Variants in FRYL observed in about 807,000 individuals in gnomAD.
The protein encoded by FRYL is protein furry homolog-like.
A neutral mutation model predicts 351.2 loss-of-function variants in FRYL; 150 were observed. The observed-to-expected ratio is 0.43, with a 90% CI of 0.37 to 0.49. The LOEUF (loss-of-function observed/expected upper bound fraction) is 0.49. Ranked by LOEUF, FRYL falls within the 20% of genes least tolerant of loss-of-function variation. The probability of loss-of-function intolerance (pLI) is 0.00; values close to 1 mark genes in which losing one functional copy is unlikely to be tolerated. For missense variants in FRYL, 3,036 were observed against 3,619.3 expected (o/e 0.84, Z 4.13); for synonymous variants, 1,153 against 1,257.1 (o/e 0.92, Z 1.75).
chr4:48,685,962 C>G (rs1765115389), intron 2 of FRYL, among the ~76,000 whole-genome samples: 1 of 152,128 alleles, frequency 6.6e-6, no homozygotes, highest in Admixed American at 6.5e-5. Context: ...ACCATGTTGG[C>G]TAGGCTGGTA....
intron 1 of FRYL, among the ~76,000 whole-genome samples, chr4:48,711,135 G>A (rs1026304791): frequency 2.6e-5 from 4 of 152,220 alleles, no homozygotes; most frequent in African/African-American, 7.2e-5. Context: ...CAGCGGGAGC[G>A]ACACAGAAGA....
chr4:48,618,552 C>T (rs1289443331), intron 7 of FRYL: 3 of 145,004 alleles, frequency 2.1e-5, no homozygotes, highest in African/African-American at 5.1e-5. Context: ...CATGGATCAT[C>T]CTTGAATGAT....
intron 1 of FRYL, among the ~76,000 whole-genome samples, chr4:48,737,189 G>A (rs1340911185): frequency 2.7e-5 from 4 of 150,358 alleles, no homozygotes; most frequent in Non-Finnish European, 4.4e-5. Flanking sequence ...CCCTGGAGGC[G>A]GAGATTGCAG....
chr4:48,611,513 C>A (rs1015793191), intron 7 of FRYL, among the ~76,000 whole-genome samples: 2 of 151,726 alleles, frequency 1.3e-5, no homozygotes, highest in African/African-American at 2.4e-5. Context: ...TGTGTCTATA[C>A]CAAAATCATA....
In FRYL at chr4:48,659,436, G is replaced by GGGA. The variant is rs1553966054; in HGVS notation, c.-80-24947_-80-24946insTCC. 1.6e-3 allele frequency among the ~76,000 whole-genome samples: 3 copies of GGGA among 1,918 alleles called. 1 individual carries two copies. The highest frequency in any genetic ancestry group is 0.011 in the Admixed American group (2 of 188). 1.3% of individuals were successfully genotyped at this position (1,918 alleles called of 152,430 possible). A position where few individuals can be genotyped will look rare whatever the true frequency, so the allele number is the denominator to read the frequency against. On this transcript the variant is annotated intron_variant, in intron 3 of 63. Coordinates refer to ENST00000358350, the MANE Select transcript of FRYL (RefSeq NM_015030.2). ...GAGAAGGAGAAGGAGAAGAGGAAGA[G>GGGA]GAAGAGGAAGAGGAAGAGGGAGAAG...
At chr4:48,695,742 C>A (rs2149566578) in intron 2 of FRYL, among the ~76,000 whole-genome samples, 1 of 152,172 alleles carries the variant, frequency 6.6e-6, no homozygotes, top group South Asian at 2.1e-4. Context: ...AGTGAACAGG[C>A]AACCTACAGA....
At chr4:48,609,235 T>C (rs1413762015) in intron 8 of FRYL, among the ~76,000 whole-genome samples, 168 bp from the exon 9 acceptor site, 1 of 152,248 alleles carries the variant, frequency 6.6e-6, no homozygotes, top group Non-Finnish European at 1.5e-5. Flanking sequence ...TTTACTTTAC[T>C]ATATTTAACC....
Position 48,545,407 on chromosome 4 carries a change from C to T in FRYL, c.5280-503G>A, listed in dbSNP as rs180905899. Among the ~76,000 whole-genome samples the T allele has an allele frequency of 5.7e-4, 87 of 152,240 alleles. 3 individuals are homozygous for T. The East Asian group carries it at 0.011, about 19-fold the overall frequency. ...CCCAAAGTGCCCTGAGAACCTGCTA[C>T]GCACTGCTTCTGGTTCCTTCCACCT... On this transcript the variant is annotated intron_variant, in intron 42 of 63. Coordinates refer to ENST00000358350, the MANE Select transcript of FRYL (RefSeq NM_015030.2).
chr4:48,611,052 AAC>A (rs1316167222), intron 7 of FRYL, among the ~76,000 whole-genome samples: 2 of 151,800 alleles, frequency 1.3e-5, no homozygotes, highest in Non-Finnish European at 2.9e-5. Context: ...AGTCATTGCT[AAC>A]ACATATTCTA....
chr4:48,593,525 GGA>G (rs1351530705), intron 16 of FRYL, among the ~76,000 whole-genome samples: 7 of 152,072 alleles, frequency 4.6e-5, no homozygotes, highest in Non-Finnish European at 1.0e-4. Flanking sequence ...TGTATTTTTA[GGA>G]GAGATGGGGT....
At position 48,779,758 on chromosome 4, in the gene FRYL, C is replaced by CT. The variant is rs753664442; in HGVS notation, c.-384+319dup. 2.2e-4 allele frequency among the ~76,000 whole-genome samples: 33 copies of CT among 152,018 alleles called. 1 individual carries two copies. Among genetic ancestry groups the CT allele is most frequent in the Non-Finnish European group, 4.0e-4 (27 of 67,902 alleles). On this transcript the variant is annotated intron_variant, in intron 1 of 63. Coordinates refer to ENST00000358350, the MANE Select transcript of FRYL (RefSeq NM_015030.2). ...GGGCGCGCGCGAGAAGAGCCAGGCACTGGAGGGGAAGGGGACGTGCGGGAG... is the reference window on the plus strand; with the variant it reads ...GGGCGCGCGCGAGAAGAGCCAGGCACTTGGAGGGGAAGGGGACGTGCGGGAG...
chr4:48,682,116 ATAAT>A (rs1394997056), intron 3 of FRYL, among the ~76,000 whole-genome samples: 1 of 152,242 alleles, frequency 6.6e-6, no homozygotes, highest in African/African-American at 2.4e-5. Flanking sequence ...TGAATGACAC[ATAAT>A]AATTTAAAAA....
At chr4:48,743,435 T>C (rs1259446010) in intron 1 of FRYL, among the ~76,000 whole-genome samples, 1 of 152,126 alleles carries the variant, frequency 6.6e-6, no homozygotes, top group Non-Finnish European at 1.5e-5. Context: ...CCTGATCAAG[T>C]TGAACCTCTT....
chr4:48,690,156 C>T (rs1327282181), intron 2 of FRYL, among the ~76,000 whole-genome samples: 6 of 151,814 alleles, frequency 4.0e-5, no homozygotes, highest in Non-Finnish European at 7.4e-5. Context: ...CTGCCTGCCT[C>T]GGCCTCCCAA....
chr4:48,771,351 A>G (rs190139293), intron 1 of FRYL, among the ~76,000 whole-genome samples: 1 of 152,364 alleles, frequency 6.6e-6, no homozygotes, highest in East Asian at 1.9e-4. Context: ...GGTAACAGAC[A>G]CATCTGGCTA....
chr4:48,598,980 T>A, intron 13 of FRYL: 1 of 316,446 alleles, frequency 3.2e-6, no homozygotes. Context: ...GGTCTCTATT[T>A]AGAAGAAATT....
intron 53 of FRYL, among the ~76,000 whole-genome samples, 175 bp downstream of exon 53, chr4:48,527,302 C>T (rs1192371376): frequency 2.0e-5 from 3 of 152,046 alleles, no homozygotes; most frequent in Non-Finnish European, 1.5e-5. Context: ...GAATGTTTCT[C>T]TTTTATCTCA....
chr4:48,553,280 G>C lies in FRYL; in HGVS notation c.4370C>G (p.Thr1457Ser). 1 of 1,613,790 alleles carries C rather than the reference G, an allele frequency of 6.2e-7. No individual in the cohort carries two copies. Among genetic ancestry groups the C allele is most frequent in the East Asian group, 2.2e-5 (1 of 44,862 alleles). The change falls in exon 36 of 64, where the codon ACT (threonine) becomes AGT (serine). Residue 1457 changes from threonine (T) to serine (S), a missense_variant. Thr to Ser is a moderately conservative substitution (Grantham distance 58). Transcript: ENST00000358350. The part of the protein sequence containing the change: ...QLTDPVSSGV[T>S]HMDNPPYYRI... ...ATAATACGGGGGATTATCCATGTGAGTGACCCCTGAACTGACAGGATCGGT... is the reference window on the plus strand; with the variant it reads ...ATAATACGGGGGATTATCCATGTGACTGACCCCTGAACTGACAGGATCGGT...
intron 3 of FRYL, among the ~76,000 whole-genome samples, chr4:48,663,796 A>AAAAAG (rs1228926946): frequency 6.6e-6 from 1 of 150,876 alleles, no homozygotes; most frequent in Non-Finnish European, 1.5e-5. Context: ...AAAAAAAAAA[A>AAAAAG]AGAGATCCCC....
Sources: allele counts gnomAD v4.1 joint callset (sites outside exome capture counted in the v4.1 genomes callset), GRCh38; gene constraint gnomAD v4.1.1; transcripts MANE v1.5; gene names NCBI Gene and HGNC (gene_info 2026-07-23, HGNC 2026-07-21).